Variants in BCAR3 observed in about 807,000 individuals in gnomAD.
The protein encoded by BCAR3 is breast cancer anti-estrogen resistance protein 3.
In BCAR3, 37 loss-of-function variants were observed where a neutral mutation model predicts 80.1. That is an observed-to-expected ratio of 0.46 (90% CI 0.36 to 0.61). The LOEUF (loss-of-function observed/expected upper bound fraction) is 0.61, where lower values mean the gene tolerates loss of function less well. Ranked by LOEUF, BCAR3 falls within the 20% of genes least tolerant of loss-of-function variation. The probability of loss-of-function intolerance (pLI) is 0.00; values close to 1 mark genes in which losing one functional copy is unlikely to be tolerated. For synonymous variants in BCAR3, 389 were observed against 418.9 expected, an observed-to-expected ratio of 0.93 and a Z score of 0.87; for missense variants, 978 against 1,068.2, an observed-to-expected ratio of 0.92 and a Z score of 1.18.
At chr1:93,840,639 G>A (rs1265462810) in intron 2 of BCAR3, among the ~76,000 whole-genome samples, 3 of 152,092 alleles carry the variant, frequency 2.0e-5, no homozygotes, top group Non-Finnish European at 4.4e-5. Flanking sequence ...CCCAAACTGG[G>A]TCACTGAAAG....
At chr1:93,778,523 C>CT (rs113483970) in intron 2 of BCAR3, among the ~76,000 whole-genome samples, 41 of 148,476 alleles carry the variant, frequency 2.8e-4, no homozygotes, top group African/African-American at 6.2e-4. Flanking sequence ...TCATGGAGTC[C>CT]TTTTTTTTTT....
intron 3 of BCAR3, among the ~76,000 whole-genome samples, chr1:93,617,931 T>A (rs1186397263): frequency 1.3e-5 from 2 of 152,132 alleles, no homozygotes; most frequent in African/African-American, 4.8e-5. Flanking sequence ...TTCTCAAGAC[T>A]TCCCCAGCAC....
chr1:93,635,455 T>G (rs1292281996), intron 3 of BCAR3, among the ~76,000 whole-genome samples: 1 of 152,172 alleles, frequency 6.6e-6, no homozygotes, highest in Admixed American at 6.5e-5. Context: ...AAGGATAAGA[T>G]TCCACTGAAT....
intron 3 of BCAR3, among the ~76,000 whole-genome samples, chr1:93,702,946 A>G (rs554183201): frequency 6.6e-6 from 1 of 152,216 alleles, no homozygotes; most frequent in East Asian, 1.9e-4. Context: ...TGGAACAGTG[A>G]TCTCTGGGCA....
chr1:93,767,991 T>G (rs1652213038), intron 2 of BCAR3, among the ~76,000 whole-genome samples: 1 of 152,258 alleles, frequency 6.6e-6, no homozygotes, highest in Non-Finnish European at 1.5e-5. Flanking sequence ...CTGAGGTTTG[T>G]GCTCTGCCTT....
At chr1:93,843,884 T>A (rs573966511) in intron 2 of BCAR3, among the ~76,000 whole-genome samples, 2 of 152,192 alleles carry the variant, frequency 1.3e-5, no homozygotes, top group Admixed American at 6.5e-5. Context: ...TCCCTACTCA[T>A]TGAATTGAAT....
rs555972365 is a variant in BCAR3, at chr1:93,648,991, G to A, written c.318-6648C>T. Among the ~76,000 whole-genome samples, 4 of 152,310 alleles carry A rather than the reference G, an allele frequency of 2.6e-5. No individual in the cohort carries two copies. The South Asian group carries it at 8.3e-4, about 32-fold the overall frequency. On this transcript the variant is annotated intron_variant, in intron 2 of 11. Coordinates refer to ENST00000260502, the MANE Select transcript of BCAR3 (RefSeq NM_003567.4). Reference sequence around the variant, plus strand: ...CTCACTGACTGTTCCCTGCTTTAGAGGGCAGGGAACTCTTCTTGAATACCA... The same window carrying A: ...CTCACTGACTGTTCCCTGCTTTAGAAGGCAGGGAACTCTTCTTGAATACCA...
intron 3 of BCAR3, among the ~76,000 whole-genome samples, chr1:93,690,240 G>A (rs1649142709): frequency 6.6e-6 from 1 of 152,192 alleles, no homozygotes; most frequent in South Asian, 2.1e-4. Context: ...AAACCGAGAA[G>A]TGAAGCTGAC....
chr1:93,620,320 G>C (rs1452790717), intron 3 of BCAR3, among the ~76,000 whole-genome samples: 1 of 152,210 alleles, frequency 6.6e-6, no homozygotes, highest in Non-Finnish European at 1.5e-5. Flanking sequence ...ACCACATATG[G>C]TTTTAATCAC....
intron 2 of BCAR3, among the ~76,000 whole-genome samples, chr1:93,670,563 T>C (rs182426891): frequency 2.0e-5 from 3 of 152,324 alleles, no homozygotes; most frequent in African/African-American, 4.8e-5. Flanking sequence ...GGCCCTATAA[T>C]ACTTTCTAGG....
intron 3 of BCAR3, among the ~76,000 whole-genome samples, chr1:93,611,567 T>C (rs1408359781): frequency 1.3e-5 from 2 of 152,226 alleles, no homozygotes; most frequent in Non-Finnish European, 2.9e-5. Flanking sequence ...CTGGAACATC[T>C]TGTATTTGGC....
intron 9 of BCAR3, among the ~76,000 whole-genome samples, chr1:93,570,741 C>T (rs904825369): frequency 6.6e-6 from 1 of 152,246 alleles, no homozygotes; most frequent in Non-Finnish European, 1.5e-5. Context: ...AGACTGCCCA[C>T]ACCTGGTGAC....
chr1:93,625,791 A>G (rs1015017891), intron 3 of BCAR3, among the ~76,000 whole-genome samples: 1 of 152,148 alleles, frequency 6.6e-6, no homozygotes, highest in East Asian at 1.9e-4. Flanking sequence ...CACATAAAGG[A>G]TGGATGGAGC....
At chr1:93,631,885 C>A (rs399649) in intron 3 of BCAR3, among the ~76,000 whole-genome samples, 12,206 of 152,186 alleles carry the variant, frequency 0.08, 648 homozygotes, top group African/African-American at 0.15. Flanking sequence ...GTGAGAAGTC[C>A]CTTCTCTCTG....
At chr1:93,675,260 C>T (rs972997317) in intron 1 of BCAR3, among the ~76,000 whole-genome samples, 2 of 152,152 alleles carry the variant, frequency 1.3e-5, no homozygotes, top group African/African-American at 4.8e-5. Flanking sequence ...CTCATAGTTG[C>T]AGTAATAAAT....
chr1:93,807,575 G>A (rs1653697696), intron 2 of BCAR3, among the ~76,000 whole-genome samples: 1 of 152,290 alleles, frequency 6.6e-6, no homozygotes, highest in South Asian at 2.1e-4. Context: ...AAGTCCCCCA[G>A]CTAATCTCTC....
At chr1:93,756,208 TC>T (rs1344934021) in intron 2 of BCAR3, among the ~76,000 whole-genome samples, 1 of 152,232 alleles carries the variant, frequency 6.6e-6, no homozygotes, top group Non-Finnish European at 1.5e-5. Context: ...AGAATTGTTT[TC>T]TTTCCCCCTT....
intron 2 of BCAR3, among the ~76,000 whole-genome samples, chr1:93,651,327 G>A (rs1676320607): frequency 6.6e-6 from 1 of 152,160 alleles, no homozygotes; most frequent in African/African-American, 2.4e-5. Context: ...CTGAAAATGG[G>A]ATGAACTGCC....
In BCAR3 at chr1:93,668,176, T is replaced by C. The variant is rs376223495; in HGVS notation, c.317+6438A>G. ...CAGTCCAGAGGAGATGTTACACAGC[T>C]CCACTCAACAAGGACTGCATTGTGT... On this transcript the variant is annotated intron_variant, in intron 2 of 11. Coordinates refer to ENST00000260502, the MANE Select transcript of BCAR3 (RefSeq NM_003567.4). Among the ~76,000 whole-genome samples, 119 of 152,316 alleles carry C rather than the reference T, an allele frequency of 7.8e-4. 2 individuals carry two copies. The South Asian group carries it at 0.024, about 31-fold the overall frequency.
Sources: gnomAD v4.1 joint callset for allele counts (sites outside exome capture counted in the v4.1 genomes callset) on GRCh38, gnomAD v4.1.1 for gene constraint, MANE v1.5 for transcripts, NCBI Gene and HGNC (gene_info 2026-07-23, HGNC 2026-07-21) for gene names.